STXBP5L: variants seen among roughly 807,000 people sequenced by gnomAD.
STXBP5L encodes syntaxin binding protein 5L.
A neutral mutation model predicts 144.5 loss-of-function variants in STXBP5L; 65 were observed. The ratio of observed to expected loss-of-function variants is 0.45; its 90% CI spans 0.37 to 0.55. STXBP5L has a LOEUF of 0.55. Ranked by LOEUF, STXBP5L falls within the 20% of genes least tolerant of loss-of-function variation. The pLI is 0.00. For missense variants in STXBP5L, 1,298 were observed against 1,405.5 expected (o/e 0.92, Z 1.22); for synonymous variants, 505 against 469.6 (o/e 1.08, Z -0.97).
At chr3:121,012,598 A>T (rs868513757) in intron 3 of STXBP5L, among the ~76,000 whole-genome samples, 18 of 151,712 alleles carry the variant, frequency 1.2e-4, no homozygotes, top group Non-Finnish European at 1.5e-4. Flanking sequence ...CCTTCTTTTC[A>T]TGCATTTATT....
chr3:121,129,347 T>C (rs2044862588), intron 7 of STXBP5L, among the ~76,000 whole-genome samples: 1 of 151,842 alleles, frequency 6.6e-6, no homozygotes, highest in Non-Finnish European at 1.5e-5. Context: ...CTGCAGAGAT[T>C]ATTAGCACAA....
chr3:121,369,899 G>T (rs1189898711), intron 20 of STXBP5L, among the ~76,000 whole-genome samples: 1 of 152,132 alleles, frequency 6.6e-6, no homozygotes, highest in Non-Finnish European at 1.5e-5. Flanking sequence ...GCTAGGTTGG[G>T]TAAGTTCTTA....
intron 3 of STXBP5L, among the ~76,000 whole-genome samples, chr3:120,957,417 A>G: frequency 6.6e-6 from 1 of 151,900 alleles, no homozygotes; most frequent in Non-Finnish European, 1.5e-5. Context: ...ATTTTTAAAA[A>G]ATATGTTGTC....
At chr3:121,184,323 G>GT (rs2108121776) in intron 9 of STXBP5L, among the ~76,000 whole-genome samples, 1 of 21,712 alleles carries the variant, frequency 4.6e-5, no homozygotes, top group African/African-American at 1.6e-4. Context: ...CTTGAAAAAA[G>GT]TTAGAGAAAT....
At chr3:121,093,300 G>T (rs982079478) in intron 5 of STXBP5L, among the ~76,000 whole-genome samples, 24 of 152,166 alleles carry the variant, frequency 1.6e-4, no homozygotes, top group Non-Finnish European at 2.9e-5. Flanking sequence ...ATGAGTTAGG[G>T]AGGATTCCCT....
intron 8 of STXBP5L, among the ~76,000 whole-genome samples, chr3:121,155,977 T>C (rs1386441734): frequency 1.3e-5 from 2 of 151,850 alleles, no homozygotes; most frequent in Non-Finnish European, 2.9e-5. Flanking sequence ...TCATCAAAGT[T>C]AACATGTAGG....
chr3:121,175,581 A>T (rs1410861451), intron 9 of STXBP5L, among the ~76,000 whole-genome samples: 1 of 152,086 alleles, frequency 6.6e-6, no homozygotes, highest in South Asian at 2.1e-4. Context: ...TTCAAGTATA[A>T]ATGTTAAGTA....
intron 5 of STXBP5L, among the ~76,000 whole-genome samples, chr3:121,111,504 G>C (rs1576987755): frequency 6.6e-6 from 1 of 152,130 alleles, no homozygotes; most frequent in South Asian, 2.1e-4. Flanking sequence ...TTTGTTGGGG[G>C]TCCACTCCAG....
At chr3:120,932,989 T>C (rs1245237529) in intron 2 of STXBP5L, among the ~76,000 whole-genome samples, 1 of 137,502 alleles carries the variant, frequency 7.3e-6, no homozygotes, top group African/African-American at 2.8e-5. Context: ...TAGGTAGGAA[T>C]TGAACAATGA....
intron 20 of STXBP5L, among the ~76,000 whole-genome samples, chr3:121,336,984 G>A (rs1468839420): frequency 1.3e-5 from 2 of 152,144 alleles, no homozygotes; most frequent in Non-Finnish European, 2.9e-5. Flanking sequence ...ATCATCCTTA[G>A]CAAACGAATG....
chr3:121,233,416 G>C (rs2049369863), intron 11 of STXBP5L, among the ~76,000 whole-genome samples, 200 bp from the exon 12 acceptor site: 1 of 151,822 alleles, frequency 6.6e-6, no homozygotes, highest in South Asian at 2.1e-4. Context: ...TTTTTTTCTT[G>C]TTCTTTCTAG....
At chr3:120,994,872 G>T (rs1343050055) in intron 3 of STXBP5L, among the ~76,000 whole-genome samples, 2 of 151,888 alleles carry the variant, frequency 1.3e-5, no homozygotes, top group Non-Finnish European at 2.9e-5. Flanking sequence ...TCATACATTT[G>T]GTAGAACTTG....
intron 4 of STXBP5L, 49 bp from the exon 5 acceptor site, chr3:121,045,383 AAAC>A (rs1311400729): frequency 6.6e-7 from 1 of 1,516,618 alleles, no homozygotes; most frequent in Non-Finnish European, 8.9e-7. Context: ...GTGATTAAAA[AAAC>A]CCTAAATTAA....
At chr3:121,181,672 AG>A (rs1005001586) in intron 9 of STXBP5L, among the ~76,000 whole-genome samples, 1 of 151,692 alleles carries the variant, frequency 6.6e-6, no homozygotes, top group Non-Finnish European at 1.5e-5. Flanking sequence ...AGGCAGTTGG[AG>A]GCTTCAGTGA....
At chr3:120,933,883 TA>T (rs886966171) in intron 2 of STXBP5L, among the ~76,000 whole-genome samples, 9 of 152,036 alleles carry the variant, frequency 5.9e-5, no homozygotes, top group Admixed American at 3.3e-4. Context: ...ACCAAAGTTT[TA>T]AAAAAATCTC....
At chr3:121,032,167 G>T (rs1045720191) in intron 3 of STXBP5L, among the ~76,000 whole-genome samples, 4 of 151,362 alleles carry the variant, frequency 2.6e-5, no homozygotes, top group African/African-American at 9.7e-5. Flanking sequence ...GGTATGAAAA[G>T]AAGTAGGTCT....
intron 7 of STXBP5L, among the ~76,000 whole-genome samples, chr3:121,145,763 T>G (rs2107960187): frequency 6.6e-6 from 1 of 152,148 alleles, no homozygotes; most frequent in South Asian, 2.1e-4. Context: ...ATGGTTAATT[T>G]TACACACCAA....
intron 3 of STXBP5L, among the ~76,000 whole-genome samples, chr3:121,005,142 G>T (rs1267370749): frequency 6.6e-6 from 1 of 152,162 alleles, no homozygotes; most frequent in African/African-American, 2.4e-5. Flanking sequence ...GCTCCTCCTT[G>T]TAACTCTGGT....
At chr3:121,033,700 A>G (rs964370972) in intron 3 of STXBP5L, among the ~76,000 whole-genome samples, 5 of 151,928 alleles carry the variant, frequency 3.3e-5, no homozygotes, top group African/African-American at 1.2e-4. Context: ...TAATTTTAGC[A>G]TTAACTGCTA....
Sources: allele counts gnomAD v4.1 joint callset (sites outside exome capture counted in the v4.1 genomes callset), GRCh38; gene constraint gnomAD v4.1.1; transcripts MANE v1.5; gene names NCBI Gene and HGNC (gene_info 2026-07-23, HGNC 2026-07-21).